The following HSDL2 variants were observed in gnomAD, a reference collection of about 807,000 sequenced individuals.
HSDL2 encodes the protein hydroxysteroid dehydrogenase like 2.
Under a neutral mutation model 46.3 loss-of-function variants are expected in HSDL2, and 27 were observed. That is an observed-to-expected ratio of 0.58 (90% CI 0.43 to 0.80). HSDL2 has a LOEUF of 0.80. Ranked by LOEUF, HSDL2 falls within the 30% of genes least tolerant of loss-of-function variation. The pLI, the probability that HSDL2 is intolerant of heterozygous loss-of-function variation, is 0.00. For synonymous variants in HSDL2, 153 were observed against 163.6 expected (o/e 0.94, Z 0.50); for missense variants, 451 against 502.7 (o/e 0.90, Z 0.98).
intron 1 of HSDL2, among the ~76,000 whole-genome samples, chr9:112,381,877 T>C (rs992325518): frequency 5.9e-5 from 9 of 152,242 alleles, no homozygotes; most frequent in Admixed American, 3.3e-4. Flanking sequence ...TATACTTGTA[T>C]TTATCTATTT....
intron 6 of HSDL2, among the ~76,000 whole-genome samples, chr9:112,421,468 C>T: frequency 6.6e-6 from 1 of 152,154 alleles, no homozygotes; most frequent in East Asian, 1.9e-4. Context: ...TAGGGTAGTG[C>T]TCTGCCCGTA....
At chr9:112,468,372 C>CT (rs1286084604) in intron 10 of HSDL2, among the ~76,000 whole-genome samples, 4 of 152,200 alleles carry the variant, frequency 2.6e-5, no homozygotes. Context: ...CTCATTTCTC[C>CT]TATTACACAT....
chr9:112,427,889 T>C (rs958785841), intron 6 of HSDL2, among the ~76,000 whole-genome samples: 1 of 152,258 alleles, frequency 6.6e-6, no homozygotes, highest in Non-Finnish European at 1.5e-5. Context: ...GTATTGGGGA[T>C]ACTTCTTTGG....
At chr9:112,430,092 A>G (rs538846114) in intron 6 of HSDL2, among the ~76,000 whole-genome samples, 1 of 152,274 alleles carries the variant, frequency 6.6e-6, no homozygotes, top group Admixed American at 6.5e-5. Context: ...TCAAAAAAAA[A>G]AAAAGAAAGA....
intron 1 of HSDL2, among the ~76,000 whole-genome samples, chr9:112,384,022 GT>G (rs1169840720): frequency 6.6e-6 from 1 of 152,118 alleles, no homozygotes; most frequent in African/African-American, 2.4e-5. Context: ...AATTGCTCTA[GT>G]TTTACAAAAT....
chr9:112,389,921 C>A (rs546484495), intron 1 of HSDL2, among the ~76,000 whole-genome samples: 1 of 152,004 alleles, frequency 6.6e-6, no homozygotes, highest in South Asian at 2.1e-4. Flanking sequence ...AAAAAATAGC[C>A]AGTCATGGTG....
At chr9:112,388,353 C>T (rs1244828632) in intron 1 of HSDL2, among the ~76,000 whole-genome samples, 5 of 150,942 alleles carry the variant, frequency 3.3e-5, no homozygotes, top group East Asian at 3.9e-4. Context: ...CCCAGCTACT[C>T]GGGAGGCTGA....
intron 6 of HSDL2, among the ~76,000 whole-genome samples, chr9:112,432,036 C>T (rs759441163): frequency 1.9e-4 from 29 of 152,044 alleles, no homozygotes; most frequent in Middle Eastern, 3.2e-3. Flanking sequence ...TGCGCCACCA[C>T]ACCTGGCTAA....
chr9:112,388,898 AC>A (rs1831276730), intron 1 of HSDL2, among the ~76,000 whole-genome samples: 1 of 152,190 alleles, frequency 6.6e-6, no homozygotes, highest in Non-Finnish European at 1.5e-5. Flanking sequence ...AATTAAAAGC[AC>A]TACCCTAAAC....
rs1370416259 is a variant in HSDL2, at chr9:112,454,103, A to T, written c.956A>T (p.Asp319Val). The T allele has an allele frequency of 8.7e-6, 14 of 1,613,618 alleles. No homozygotes were observed. The highest frequency in any genetic ancestry group is 1.1e-5 in the South Asian group (1 of 91,068). ...AVEETFRIVKDSLSDDVVKAT... is the reference protein window; with the variant it reads ...AVEETFRIVKVSLSDDVVKAT... The stretch of plus-strand genomic sequence containing the variant: ...GAAGAAACATTTAGAATTGTTAAGG[A>T]CTCTCTCAGTGATGATGTTGTTAAA... Residue 319 changes from aspartate to valine, a missense_variant, in exon 9 of 11, where the codon GAC (aspartate) becomes GTC (valine). Transcript: ENST00000398805.
rs759177214 is a variant in HSDL2, at chr9:112,380,189, G to T, written c.17+9G>T. 7 of 1,567,816 alleles carry T rather than the reference G, an allele frequency of 4.5e-6. No individual in the cohort carries two copies. The East Asian group carries it at 1.7e-4, about 37-fold the overall frequency. ...ATGTTACCCAACACCGGGTAAGGGG[G>T]TAGGGGCGGCGCGGGGAGAGACCCT... On this transcript the variant is annotated intron_variant, in intron 1 of 10. Transcript: ENST00000398805.
chr9:112,429,834 G>A (rs1832343444), intron 6 of HSDL2, among the ~76,000 whole-genome samples: 1 of 152,218 alleles, frequency 6.6e-6, no homozygotes. Context: ...GCTCCTGCTT[G>A]TAATCCCAAC....
intron 4 of HSDL2, chr9:112,413,928 C>T (rs561299982): frequency 6.4e-5 from 12 of 186,382 alleles, no homozygotes; most frequent in African/African-American, 1.9e-4. Flanking sequence ...CGGGACCTGA[C>T]GTTCTGTATT....
chr9:112,398,650 G>T (rs1831517154), intron 1 of HSDL2, among the ~76,000 whole-genome samples: 3 of 152,034 alleles, frequency 2.0e-5, no homozygotes, highest in Admixed American at 6.6e-5. Flanking sequence ...TGTGGTAACT[G>T]CAGGGGGTTA....
chr9:112,396,666 C>G (rs892322419), intron 1 of HSDL2, among the ~76,000 whole-genome samples: 1 of 152,090 alleles, frequency 6.6e-6, no homozygotes, highest in Non-Finnish European at 1.5e-5. Flanking sequence ...ATACCTAACA[C>G]CAGGCCCACC....
intron 8 of HSDL2, among the ~76,000 whole-genome samples, chr9:112,448,955 T>C (rs956838992): frequency 1.3e-5 from 2 of 152,116 alleles, no homozygotes; most frequent in Non-Finnish European, 2.9e-5. Context: ...TATTCAATTA[T>C]AGGCTTTTTA....
rs1280052212 is a variant in HSDL2, at chr9:112,459,558, C to G, written c.1125C>G (p.Asp375Glu). The part of the protein sequence containing the change: ...ADVVMSMTTD[D>E]FVKMFSGKLK... ...TGGTGATGAGTATGACTACTGATGA[C>G]TTTGTAAAAATGTTTTCAGGTGAGT... The change falls in exon 10 of 11, where the codon GAC becomes GAG. Residue 375 changes from aspartate to glutamate, a missense_variant. Coordinates refer to ENST00000398805, the MANE Select transcript of HSDL2 (RefSeq NM_032303.5). 1 of 1,613,444 alleles carries G rather than the reference C, an allele frequency of 6.2e-7. No individual in the cohort carries two copies. Among genetic ancestry groups the G allele is most frequent in the South Asian group, 1.1e-5 (1 of 91,042 alleles).
intron 10 of HSDL2, among the ~76,000 whole-genome samples, chr9:112,462,600 ATGTGTGTGTG>A (rs3032131): frequency 0.029 from 4,243 of 146,674 alleles, 92 homozygotes; most frequent in African/African-American, 0.056. Context: ...GAGGAGGGGG[ATGTGTGTGTG>A]TGTGTGTGTG....
At chr9:112,394,686 C>A (rs912774871) in intron 1 of HSDL2, among the ~76,000 whole-genome samples, 2 of 152,168 alleles carry the variant, frequency 1.3e-5, no homozygotes, top group African/African-American at 2.4e-5. Context: ...GACCAAATGT[C>A]CCCATTCCCC....
Sources: allele counts gnomAD v4.1 joint callset (sites outside exome capture counted in the v4.1 genomes callset), GRCh38; gene constraint gnomAD v4.1.1; transcripts MANE v1.5; gene names NCBI Gene and HGNC (gene_info 2026-07-23, HGNC 2026-07-21).